Variants in KNDC1 observed in about 807,000 individuals in gnomAD.
The protein encoded by KNDC1 is kinase non-catalytic C-lobe domain containing 1.
Under a neutral mutation model 172.8 loss-of-function variants are expected in KNDC1, and 106 were observed. That is an observed-to-expected ratio of 0.61 (90% CI 0.52 to 0.72). The LOEUF is 0.72. Ranked by LOEUF, KNDC1 falls within the 30% of genes least tolerant of loss-of-function variation. KNDC1 has a pLI of 0.00. For missense variants in KNDC1, 2,325 were observed against 2,394.5 expected (o/e 0.97, Z 0.61); for synonymous variants, 1,083 against 1,062.2 (o/e 1.02, Z -0.38).
chr10:133,185,320 ACAGTGTGGAGTAGGCAGTGTGTG>A (rs1853860671), intron 5 of KNDC1, among the ~76,000 whole-genome samples: 2 of 54,210 alleles, frequency 3.7e-5, no homozygotes, highest in Non-Finnish European at 7.7e-5. Context: ...GGCAGTGTGT[ACAGTGTGGAGTAGGCAGTGTGTG>A]CAGTGTGGAG....
chr10:133,189,635 CG>C lies in KNDC1; in HGVS notation c.1483del (p.Ala495LeufsTer28). ...TGGACTCCGTGCTGGTTGCTGAGGA[CG>C]GGGCTGTGCTCTTCCAGCCACCCCC... ...CLDSVLVAED[G>X]AVLFQPPPAN... On this transcript the variant is annotated frameshift_variant, in exon 8 of 30. Transcript: ENST00000304613. LOFTEE classifies it high-confidence loss of function. 6.2e-7 allele frequency: 1 copy of C among 1,613,814 alleles called. No individual in the cohort carries two copies. The highest frequency in any genetic ancestry group is 8.5e-7 in the Non-Finnish European group (1 of 1,179,988).
intron 17 of KNDC1, among the ~76,000 whole-genome samples, chr10:133,205,922 C>T (rs1186377674): frequency 2.0e-5 from 3 of 152,052 alleles, no homozygotes; most frequent in Admixed American, 1.3e-4. Flanking sequence ...AAAAAACGGC[C>T]AGGCGTGGTG....
At chr10:133,199,826 T>C (rs1854310988) in intron 15 of KNDC1, among the ~76,000 whole-genome samples, 1 of 152,156 alleles carries the variant, frequency 6.6e-6, no homozygotes, top group South Asian at 2.1e-4. Context: ...GGGTTTCTTC[T>C]GGAGGACGAA....
In KNDC1 at chr10:133,189,855, C is replaced by A. The variant is rs377024860; in HGVS notation, c.1575+42C>A. The stretch of plus-strand genomic sequence containing the variant: ...CACCCTGCCCCAGCCCTGCCCCCAG[C>A]CCTCGGGGATGCCACGTCCCCCATC... On this transcript the variant is annotated intron_variant, in intron 9 of 29. Transcript: ENST00000304613. The A allele has an allele frequency of 4.3e-5, 65 of 1,521,330 alleles. 1 individual carries two copies. The South Asian group carries it at 7.2e-4, about 17-fold the overall frequency. 94.2% of individuals were successfully genotyped at this position (1,521,330 alleles called of 1,614,324 possible).
intron 3 of KNDC1, among the ~76,000 whole-genome samples, chr10:133,181,733 GGA>G (rs1853721437): frequency 2.6e-5 from 4 of 152,142 alleles, no homozygotes; most frequent in Admixed American, 2.6e-4. Flanking sequence ...GTGCAGCTGG[GGA>G]GAGAGAAGAG....
intron 10 of KNDC1, 48 bp from the exon 11 acceptor site, chr10:133,197,010 G>A: frequency 6.8e-7 from 1 of 1,469,674 alleles, no homozygotes. Context: ...GGACGGTGCA[G>A]CCGTGGCTGA....
chr10:133,177,971 CGT>C lies in KNDC1; in HGVS notation c.361-5371_361-5370del, dbSNP rs374435556. 1.5e-4 allele frequency among the ~76,000 whole-genome samples: 21 copies of C among 138,762 alleles called. No individual in the cohort carries two copies. In the East Asian group the frequency reaches 4.5e-3, roughly 30 times the overall value. 91.0% of individuals were successfully genotyped at this position (138,762 alleles called of 152,430 possible). A position where few individuals can be genotyped will look rare whatever the true frequency, so the allele number is the denominator to read the frequency against. ...CGTGTAGCATGATGTATGTGTGTAGCGTGCATGTGTGTGCAGTGTGGTGTGCA... is the reference window on the plus strand; with the variant it reads ...CGTGTAGCATGATGTATGTGTGTAGCGCATGTGTGTGCAGTGTGGTGTGCA... On this transcript the variant is annotated intron_variant, in intron 3 of 29. Transcript: ENST00000304613.
intron 3 of KNDC1, among the ~76,000 whole-genome samples, chr10:133,182,953 AGGC>A (rs1464418909): frequency 2.4e-5 from 3 of 125,974 alleles, no homozygotes; most frequent in Non-Finnish European, 5.2e-5. Context: ...GTGTGGGCAC[AGGC>A]GGTGTGGGCA....
chr10:133,214,173 G>A (rs371224361), intron 26 of KNDC1, 51 bp downstream of exon 26: 141 of 1,599,590 alleles, frequency 8.8e-5, no homozygotes, highest in Middle Eastern at 1.9e-4. Flanking sequence ...GCCCACCTAC[G>A]CGGGGGTGGC....
At position 133,183,366 on chromosome 10, in the gene KNDC1, C is replaced by A; in HGVS notation, c.383C>A (p.Ala128Asp). ...CAGGCGCACATCTACTCTCTGGGGG[C>A]CACGCTGAAGGCCGCCCTCGAGTAC... ...TFEAHIYSLG[A>D]TLKAALEYVA... Residue 128 changes from alanine (A) to aspartate (D), a missense_variant, in exon 4 of 30, where the codon GCC (alanine) becomes GAC (aspartate). Physicochemically the swap from Ala to Asp is moderately radical, Grantham distance 126 (BLOSUM62 -2). Coordinates refer to ENST00000304613, the MANE Select transcript of KNDC1 (RefSeq NM_152643.8). 2 of 1,596,716 alleles carry A rather than the reference C, an allele frequency of 1.3e-6. No individual in the cohort carries two copies. Among genetic ancestry groups the A allele is most frequent in the Non-Finnish European group, 1.7e-6 (2 of 1,173,352 alleles).
chr10:133,184,946 C>T (rs1353741353), intron 5 of KNDC1, among the ~76,000 whole-genome samples: 6 of 152,280 alleles, frequency 3.9e-5, no homozygotes, highest in African/African-American at 9.6e-5. Flanking sequence ...GCATCTGGGG[C>T]GTTTGTGGCT....
chr10:133,213,440 A>C (rs544896544), intron 24 of KNDC1, among the ~76,000 whole-genome samples: 1 of 152,292 alleles, frequency 6.6e-6, no homozygotes, highest in East Asian at 1.9e-4. Context: ...TGCTGTCACG[A>C]GGGCTGCCCC....
rs927109141 is a variant in KNDC1 at position 133,209,131 on chromosome 10, G to A, written c.3795-1480G>A. On this transcript the variant is annotated intron_variant, in intron 20 of 29. Coordinates refer to ENST00000304613, the MANE Select transcript of KNDC1 (RefSeq NM_152643.8). The surrounding 1 kb of genome is among the most constrained non-coding windows in gnomAD (Gnocchi z 4.9). ...TGTGTGATGTGGAGTATTGTGTGGCGTGTGTGGTGTGTGGTTGGGTATTGC... is the reference window on the plus strand; with the variant it reads ...TGTGTGATGTGGAGTATTGTGTGGCATGTGTGGTGTGTGGTTGGGTATTGC... Among the ~76,000 whole-genome samples the A allele has an allele frequency of 6.6e-6, 1 of 151,840 alleles. No individual in the cohort carries two copies. Among genetic ancestry groups the A allele is most frequent in the African/African-American group, 2.4e-5 (1 of 41,290 alleles).
intron 17 of KNDC1, among the ~76,000 whole-genome samples, chr10:133,202,889 G>A (rs553420230): frequency 6.6e-6 from 1 of 152,338 alleles, no homozygotes; most frequent in Non-Finnish European, 1.5e-5. Flanking sequence ...GGACGCAAAG[G>A]CCGCCCCCGG....
chr10:133,203,539 G>A (rs907418668), intron 17 of KNDC1, among the ~76,000 whole-genome samples: 6 of 152,270 alleles, frequency 3.9e-5, no homozygotes, highest in African/African-American at 1.2e-4. Context: ...TGGAGCAGCC[G>A]GTGGGCATTT....
At chr10:133,177,858 A>G (rs1174369278) in intron 3 of KNDC1, among the ~76,000 whole-genome samples, 1 of 150,398 alleles carries the variant, frequency 6.6e-6, no homozygotes, top group Non-Finnish European at 1.5e-5. Flanking sequence ...GTGTGTTGTC[A>G]TGGGCACGTG....
At position 133,224,646 on chromosome 10, in the gene KNDC1, T is replaced by C; in HGVS notation, c.5019-13T>C. On this transcript the variant is annotated splice_polypyrimidine_tract_variant and intron_variant, in intron 29 of 29. Transcript: ENST00000304613. The surrounding 1 kb of genome is among the most constrained non-coding windows in gnomAD (Gnocchi z 5.4). ...CCTGTGCAAACTAACGTCTCTTCTT[T>C]CCTCAACGGAAGGAACATCGCAAAG... The C allele has an allele frequency of 6.2e-7, 1 of 1,611,212 alleles. No individual in the cohort carries two copies. Among genetic ancestry groups the C allele is most frequent in the Non-Finnish European group, 8.5e-7 (1 of 1,177,608 alleles).
rs1845374860 is a variant in KNDC1, at chr10:133,211,865, T to C, written c.4236+7T>C. 1.2e-6 allele frequency: 2 copies of C among 1,602,552 alleles called. No homozygotes were observed. The highest frequency in any genetic ancestry group is 1.7e-6 in the Non-Finnish European group (2 of 1,177,724). ...GGACGGCATCTCCAGGAAGGTGGGG[T>C]CCTTTCTCAGGGGAGGTCCTCCCTG... On this transcript the variant is annotated splice_region_variant and intron_variant, in intron 23 of 29. Coordinates refer to ENST00000304613, the MANE Select transcript of KNDC1 (RefSeq NM_152643.8).
At chr10:133,212,639 C>T (rs1282730763) in intron 23 of KNDC1, 77 bp from the exon 24 acceptor site, 5 of 1,330,340 alleles carry the variant, frequency 3.8e-6, no homozygotes, top group Admixed American at 3.8e-5. Flanking sequence ...TCCTCACCCC[C>T]CAACCCTGCC....
Sources: gnomAD v4.1 joint callset for allele counts (sites outside exome capture counted in the v4.1 genomes callset) on GRCh38, gnomAD v4.1.1 for gene constraint, Gnocchi (gnomAD v3.1) non-coding constraint, MANE v1.5 for transcripts, NCBI Gene and HGNC (gene_info 2026-07-23, HGNC 2026-07-21) for gene names.